HCRTR2: variants seen among roughly 807,000 people sequenced by gnomAD.
HCRTR2 encodes the protein orexin receptor type 2.
In HCRTR2, 22 loss-of-function variants were observed where a neutral mutation model predicts 49.0. That is an observed-to-expected ratio of 0.45 (90% CI 0.32 to 0.64). The LOEUF is 0.64. Among genes scored for constraint, HCRTR2 ranks in the 30% least tolerant of loss-of-function variants. HCRTR2 has a pLI of 0.04. For missense variants in HCRTR2, 491 were observed against 559.4 expected (o/e 0.88, Z 1.23); for synonymous variants, 236 against 205.3 (o/e 1.15, Z -1.28).
At chr6:55,244,274 T>A (rs1350493863) in intron 1 of HCRTR2, among the ~76,000 whole-genome samples, 1 of 152,032 alleles carries the variant, frequency 6.6e-6, no homozygotes, top group African/African-American at 2.4e-5. Flanking sequence ...CTCCTATATA[T>A]TTTATCCATT....
downstream of HCRTR2, among the ~76,000 whole-genome samples, chr6:55,284,454 T>C (rs1767249641): frequency 6.6e-6 from 1 of 152,178 alleles, no homozygotes; most frequent in Non-Finnish European, 1.5e-5. Context: ...AGCTGTGTGT[T>C]AAGCACTACA....
chr6:55,221,996 T>C (rs560034379), intron 1 of HCRTR2, among the ~76,000 whole-genome samples: 1 of 151,418 alleles, frequency 6.6e-6, no homozygotes, highest in Non-Finnish European at 1.5e-5. Flanking sequence ...AGAAAATAAA[T>C]AAAAAGAAAA....
chr6:55,148,745 T>A (rs1764626891), intron 1 of HCRTR2, among the ~76,000 whole-genome samples: 1 of 152,128 alleles, frequency 6.6e-6, no homozygotes, highest in Non-Finnish European at 1.5e-5. Context: ...AGATCATGGC[T>A]GGGATTCAGG....
At chr6:55,221,625 A>G in intron 1 of HCRTR2, among the ~76,000 whole-genome samples, 1 of 151,918 alleles carries the variant, frequency 6.6e-6, no homozygotes, top group East Asian at 1.9e-4. Flanking sequence ...CATCCTGGCT[A>G]ACACAGTGAA....
intron 1 of HCRTR2, among the ~76,000 whole-genome samples, chr6:55,152,700 C>A (rs1451486859): frequency 6.6e-6 from 1 of 151,844 alleles, no homozygotes; most frequent in Admixed American, 6.6e-5. Context: ...CTCTGAAGTC[C>A]CTTCGAAAAG....
chr6:55,150,319 CTTA>C (rs113621822), intron 1 of HCRTR2, among the ~76,000 whole-genome samples: 6 of 150,774 alleles, frequency 4.0e-5, no homozygotes, highest in Non-Finnish European at 5.9e-5. Flanking sequence ...GTTCTTTCTT[CTTA>C]TTATTATTAT....
chr6:55,141,045 G>A (rs2127252729), intron 1 of HCRTR2, among the ~76,000 whole-genome samples: 2 of 152,076 alleles, frequency 1.3e-5, no homozygotes, highest in South Asian at 4.2e-4. Context: ...CTAGAAAAAT[G>A]TGTTAGAGGC....
At chr6:55,153,252 A>G (rs1764686605) in intron 1 of HCRTR2, among the ~76,000 whole-genome samples, 1 of 152,032 alleles carries the variant, frequency 6.6e-6, no homozygotes, top group Non-Finnish European at 1.5e-5. Flanking sequence ...GGGAAGGGAT[A>G]CATTCTGAGA....
intron 1 of HCRTR2, among the ~76,000 whole-genome samples, chr6:55,138,213 A>AT (rs138267111): frequency 0.016 from 2,477 of 151,734 alleles, 45 homozygotes; most frequent in African/African-American, 0.039. Flanking sequence ...AGAATAGTTA[A>AT]TTTTTTTTTG....
At chr6:55,119,413 T>C (rs1764164705) in intron 1 of HCRTR2, among the ~76,000 whole-genome samples, 1 of 152,118 alleles carries the variant, frequency 6.6e-6, no homozygotes, top group Non-Finnish European at 1.5e-5. Flanking sequence ...GTAAAAGCAT[T>C]CCTATTTCTC....
chr6:55,231,531 A>G (rs994065693), intron 1 of HCRTR2, among the ~76,000 whole-genome samples: 1 of 152,140 alleles, frequency 6.6e-6, no homozygotes, highest in African/African-American at 2.4e-5. Flanking sequence ...TAGGAAAGAA[A>G]GCCAAGATTT....
intron 3 of HCRTR2, among the ~76,000 whole-genome samples, chr6:55,262,390 T>G (rs1307688876): frequency 7.4e-6 from 1 of 135,892 alleles, no homozygotes; most frequent in Admixed American, 7.8e-5. Context: ...TAATATTATA[T>G]ATAAATATAT....
chr6:55,235,483 A>G (rs970324622), intron 1 of HCRTR2, among the ~76,000 whole-genome samples: 6 of 152,126 alleles, frequency 3.9e-5, no homozygotes, highest in African/African-American at 1.4e-4. Flanking sequence ...CTCTTTTGAT[A>G]TACCCTAATT....
chr6:55,274,698 G>A (rs544267558), intron 4 of HCRTR2, among the ~76,000 whole-genome samples: 1 of 152,164 alleles, frequency 6.6e-6, no homozygotes, highest in African/African-American at 2.4e-5. Flanking sequence ...AAATCTGATT[G>A]AGCAAATGGT....
chr6:55,270,852 A>G (rs1413670197), intron 4 of HCRTR2, among the ~76,000 whole-genome samples: 2 of 152,194 alleles, frequency 1.3e-5, no homozygotes, highest in Non-Finnish European at 2.9e-5. Context: ...ATCGGTACAC[A>G]ACATATACAC....
intron 1 of HCRTR2, among the ~76,000 whole-genome samples, chr6:55,150,894 A>G (rs909270943): frequency 4.6e-5 from 7 of 152,048 alleles, no homozygotes; most frequent in African/African-American, 1.7e-4. Context: ...AGACAACTAC[A>G]ATAAAGTGAA....
chr6:55,213,474 G>A (rs1765731613), intron 1 of HCRTR2, among the ~76,000 whole-genome samples: 1 of 152,084 alleles, frequency 6.6e-6, no homozygotes, highest in East Asian at 1.9e-4. Context: ...TTCCGTCCAT[G>A]GAACCACTGA....
In HCRTR2 at chr6:55,113,827, A is replaced by G. The variant is rs549836221; in HGVS notation, c.-378+7282A>G. Among the ~76,000 whole-genome samples the G allele has an allele frequency of 2.0e-5, 3 of 152,028 alleles. 1 individual carries two copies. The South Asian group carries it at 6.2e-4, about 32-fold the overall frequency. On this transcript the variant is annotated intron_variant, in intron 1 of 7. Transcript: ENST00000615358. ...CCCAGAGGAAAAGGAGTCATATGCA[A>G]AAAAGACACTTGTGCATACATGTTT...
intron 3 of HCRTR2, among the ~76,000 whole-genome samples, chr6:55,256,605 C>G (rs1336949715): frequency 6.6e-6 from 1 of 151,832 alleles, no homozygotes. Flanking sequence ...TTGGGATTTA[C>G]TTTTCCTTTT....
Sources: gnomAD v4.1 joint callset for allele counts (sites outside exome capture counted in the v4.1 genomes callset) on GRCh38, gnomAD v4.1.1 for gene constraint, MANE v1.5 for transcripts, NCBI Gene and HGNC (gene_info 2026-07-23, HGNC 2026-07-21) for gene names.